SHBG: variants seen among roughly 807,000 people sequenced by gnomAD.
The protein encoded by SHBG is sex hormone binding globulin.
In SHBG, 37 loss-of-function variants were observed where a neutral mutation model predicts 41.9. That is an observed-to-expected ratio of 0.88 (90% CI 0.68 to 1.16). The LOEUF is 1.16. Ranked by LOEUF, SHBG falls within the 50% of genes most tolerant of loss-of-function variation. The pLI, the probability that SHBG is intolerant of heterozygous loss-of-function variation, is 0.00. For synonymous variants in SHBG, 217 were observed against 205.8 expected (o/e 1.05, Z -0.47); for missense variants, 466 against 499.9 (o/e 0.93, Z 0.65).
At chr17:7,621,094 C>CAAAAAA (rs61026446) in intron 1 of SHBG, among the ~76,000 whole-genome samples, 13 of 52,294 alleles carry the variant, frequency 2.5e-4, no homozygotes, top group Non-Finnish European at 3.5e-4. Context: ...GACCCTGTCA[C>CAAAAAA]AAAAAAAAAA....
In SHBG at chr17:7,632,902, C is replaced by T. The variant is rs776036163; in HGVS notation, c.1003C>T (p.Pro335Ser). The T allele has an allele frequency of 6.2e-7, 1 of 1,614,148 alleles. No individual in the cohort carries two copies. Among genetic ancestry groups the T allele is most frequent in the Non-Finnish European group, 8.5e-7 (1 of 1,180,024 alleles). ...ALALPPLGLA[P>S]LLNLWAKPQG... ...TGCCCTGCCTCCCTTAGGCCTGGCT[C>T]CCCTCCTTAACCTCTGGGCCAAGCC... The change falls in exon 7 of 8, where the codon CCC (proline) becomes TCC (serine). Residue 335 changes from proline to serine, a missense_variant. Pro to Ser is a moderately conservative substitution (Grantham distance 74). Transcript: ENST00000380450.
chr17:7,626,425 A>C, upstream of SHBG: 1 of 1,612,528 alleles, frequency 6.2e-7, no homozygotes, highest in Non-Finnish European at 8.5e-7. Flanking sequence ...AACTCAAGAC[A>C]GAGATCCTCC....
At position 7,632,035 on chromosome 17, in the gene SHBG, C is replaced by T; in HGVS notation, c.852+20C>T. On this transcript the variant is annotated intron_variant, in intron 6 of 7. Coordinates refer to ENST00000380450, the MANE Select transcript of SHBG (RefSeq NM_001040.5). The stretch of plus-strand genomic sequence containing the variant: ...GATCAAGTAAAGGGGGACAGTGGGG[C>T]ATTGCCTGTATTCAGTGGAGCCTGG... 6.2e-7 allele frequency: 1 copy of T among 1,611,452 alleles called. No homozygotes were observed. The highest frequency in any genetic ancestry group is 8.5e-7 in the Non-Finnish European group (1 of 1,179,586).
upstream of SHBG, chr17:7,626,835 G>C (rs755086963): frequency 1.9e-6 from 3 of 1,610,722 alleles, no homozygotes; most frequent in Non-Finnish European, 2.5e-6. Flanking sequence ...TATTGTTTGA[G>C]CTGAAGGGGA....
At position 7,632,755 on chromosome 17, in the gene SHBG, G is replaced by A. The variant is rs774896581; in HGVS notation, c.856G>A (p.Val286Met). 3 of 1,611,682 alleles carry A rather than the reference G, an allele frequency of 1.9e-6. No homozygotes were observed. The Admixed American group carries it at 5.0e-5, about 27-fold the overall frequency. Residue 286 changes from valine to methionine, a missense_variant, in exon 7 of 8, where the codon GTG becomes ATG. Val to Met is a conservative substitution (Grantham distance 21, BLOSUM62 1). Coordinates refer to ENST00000380450, the MANE Select transcript of SHBG (RefSeq NM_001040.5). ...CCCTTTCCCACACACTCTGCAGAAG[G>A]TGGTGTTGTCTTCTGGGTCGGGGCC... ...WLSLHLQDQK[V>M]VLSSGSGPGL... is the part of the protein sequence containing the mutation.
chr17:7,627,205 C>T (rs766169198), upstream of SHBG: 1 of 1,614,084 alleles, frequency 6.2e-7, no homozygotes. This position sits in a 1 kb window ranked among gnomAD's most constrained non-coding sequence, Gnocchi z 4.8. Context: ...AGGATTGTCT[C>T]CAAAGCCATC....
At chr17:7,615,451 T>A (rs577433641) in intron 1 of SHBG, among the ~76,000 whole-genome samples, 2 of 152,168 alleles carry the variant, frequency 1.3e-5, no homozygotes, top group Non-Finnish European at 1.5e-5. Context: ...AATCTGTAAC[T>A]CTCTACTGTA....
chr17:7,632,763 G>A lies in SHBG; in HGVS notation c.864G>A (p.Leu288=). 6.2e-7 allele frequency: 1 copy of A among 1,613,088 alleles called. No individual in the cohort carries two copies. The highest frequency in any genetic ancestry group is 8.5e-7 in the Non-Finnish European group (1 of 1,179,402). ...SLHLQDQKVV[L]SSGSGPGLDL... ...CACACACTCTGCAGAAGGTGGTGTTGTCTTCTGGGTCGGGGCCAGGGCTGG... is the reference window on the plus strand; with the variant it reads ...CACACACTCTGCAGAAGGTGGTGTTATCTTCTGGGTCGGGGCCAGGGCTGG... Residue 288 remains leucine (L), a synonymous_variant, in exon 7 of 8, where the codon TTG becomes TTA. Transcript: ENST00000380450.
upstream of SHBG, chr17:7,627,558 T>C (rs2150963307): frequency 1.9e-6 from 3 of 1,608,840 alleles, no homozygotes; most frequent in Non-Finnish European, 2.5e-6. This position sits in a 1 kb window ranked among gnomAD's most constrained non-coding sequence, Gnocchi z 4.8. Flanking sequence ...GTTACCGGCC[T>C]GCAGTCTTCA....
Position 7,633,242 on chromosome 17 carries a change from T to C in SHBG, c.1099T>C (p.Trp367Arg), listed in dbSNP as rs377236281. The change falls in exon 8 of 8, where the codon TGG becomes CGG. Residue 367 changes from tryptophan to arginine, a missense_variant. Trp to Arg is a moderately radical substitution (Grantham distance 101, BLOSUM62 -3). Transcript: ENST00000380450. The stretch of plus-strand genomic sequence containing the variant: ...CACCTCTTTTTGCCTGAATGGCCTT[T>C]GGGCACAAGGTCAGAGGCTGGATGT... Reference protein sequence around the residue: ...SSTSFCLNGLWAQGQRLDVDQ... With the variant: ...SSTSFCLNGLRAQGQRLDVDQ... 2.5e-6 allele frequency: 4 copies of C among 1,614,192 alleles called. No individual in the cohort carries two copies. The highest frequency in any genetic ancestry group is 3.4e-6 in the Non-Finnish European group (4 of 1,180,044).
chr17:7,614,991 C>T (rs901536852), intron 1 of SHBG: 9 of 152,488 alleles, frequency 5.9e-5, no homozygotes, highest in African/African-American at 2.2e-4. Context: ...CCAGCTAGCG[C>T]ATCGGGGCTT....
chr17:7,614,316 C>T (rs1389215407), intron 1 of SHBG: 2 of 708,006 alleles, frequency 2.8e-6, no homozygotes, highest in South Asian at 1.7e-5. Context: ...CCAGGGAAGG[C>T]TGCGGGTTGG....
chr17:7,630,157 T>G lies in SHBG; in HGVS notation c.-16T>G, dbSNP rs759268856. ...CCCAAGAGTTGTCTGAGCCGCCGAGTGGACAGTGGCTGATTATGGAGAGCA... is the reference window on the plus strand; with the variant it reads ...CCCAAGAGTTGTCTGAGCCGCCGAGGGGACAGTGGCTGATTATGGAGAGCA... On this transcript the variant is annotated 5_prime_UTR_variant, in exon 1 of 8. Transcript: ENST00000380450. This position sits in a 1 kb window ranked among gnomAD's most constrained non-coding sequence, Gnocchi z 4.6. 1.9e-6 allele frequency: 3 copies of G among 1,604,484 alleles called. No homozygotes were observed. The highest frequency in any genetic ancestry group is 1.3e-5 in the African/African-American group (1 of 74,720).
chr17:7,632,426 G>A (rs1291485051), intron 6 of SHBG, among the ~76,000 whole-genome samples: 1 of 152,132 alleles, frequency 6.6e-6, no homozygotes, highest in East Asian at 1.9e-4. Flanking sequence ...CTGGGCCACA[G>A]TGAGACCCTG....
upstream of SHBG, chr17:7,626,918 C>G (rs760117248): frequency 6.2e-7 from 1 of 1,610,340 alleles, no homozygotes; most frequent in South Asian, 1.1e-5. Flanking sequence ...TTGCTCCCAC[C>G]CCAGCCTCAG....
rs545433100 is a variant in SHBG, at chr17:7,622,826, G to A, written c.-61-7592G>A. Reference sequence around the variant, plus strand: ...GGTCAGATCATTAGGTCAGGAGATCGAGACCATCCTGACTAACACAGTGAA... The same window carrying A: ...GGTCAGATCATTAGGTCAGGAGATCAAGACCATCCTGACTAACACAGTGAA... On this transcript the variant is annotated intron_variant, in intron 1 of 5. Transcript: ENST00000570547. Among the ~76,000 whole-genome samples, 50 of 148,820 alleles carry A rather than the reference G, an allele frequency of 3.4e-4. No individual in the cohort carries two copies. The East Asian group carries it at 3.4e-3, about 10-fold the overall frequency.
intron 6 of SHBG, 42 bp from the exon 7 acceptor site, chr17:7,632,710 C>G: frequency 6.6e-7 from 1 of 1,505,656 alleles, no homozygotes; most frequent in Non-Finnish European, 9.2e-7. Flanking sequence ...CCGGCTCATT[C>G]TTCCCTCTCT....
chr17:7,629,095 G>A (rs1485290188), upstream of SHBG, among the ~76,000 whole-genome samples: 3 of 151,484 alleles, frequency 2.0e-5, no homozygotes, highest in African/African-American at 7.3e-5. Flanking sequence ...AGGGAGGGTC[G>A]GGCCTTGTGG....
upstream of SHBG, chr17:7,627,407 G>T: frequency 1.2e-6 from 2 of 1,614,030 alleles, no homozygotes; most frequent in South Asian, 2.2e-5. The surrounding 1 kb of genome is among the most constrained non-coding windows in gnomAD (Gnocchi z 4.8). Context: ...TTCGAATTCG[G>T]CTAGCTCCTA....
Sources: gnomAD v4.1 joint callset for allele counts (sites outside exome capture counted in the v4.1 genomes callset) on GRCh38, gnomAD v4.1.1 for gene constraint, Gnocchi (gnomAD v3.1) non-coding constraint, MANE v1.5 for transcripts, NCBI Gene and HGNC (gene_info 2026-07-23, HGNC 2026-07-21) for gene names.